The following HYCC2 variants were observed in gnomAD, a reference collection of about 807,000 sequenced individuals.
The protein encoded by HYCC2 is hyccin 2.
At chr2:201,046,429 G>A in the HYCC2 span, among the ~76,000 whole-genome samples, 1 of 152,102 alleles carries the variant, frequency 6.6e-6, no homozygotes, top group Non-Finnish European at 1.5e-5. Flanking sequence ...GCAGTGGGGG[G>A]GAAGAACTTG....
chr2:201,057,185 T>C, the HYCC2 span, among the ~76,000 whole-genome samples: 1 of 152,210 alleles, frequency 6.6e-6, no homozygotes, highest in East Asian at 1.9e-4. Flanking sequence ...GCCATAAAGC[T>C]ATATGTGCTG....
the HYCC2 span, among the ~76,000 whole-genome samples, chr2:201,060,656 C>G: frequency 6.6e-6 from 1 of 152,070 alleles, no homozygotes; most frequent in African/African-American, 2.4e-5. Flanking sequence ...ATTTTTTTTA[C>G]CAAATTAACT....
chr2:201,010,860 G>A, the HYCC2 span, among the ~76,000 whole-genome samples: 1 of 151,684 alleles, frequency 6.6e-6, no homozygotes, highest in East Asian at 1.9e-4. Context: ...AAAAAATGAT[G>A]GTAGAGTCAG....
the HYCC2 span, among the ~76,000 whole-genome samples, chr2:201,031,671 T>C: frequency 2.0e-5 from 3 of 151,934 alleles, no homozygotes; most frequent in Non-Finnish European, 4.4e-5. Flanking sequence ...AAACAAAAAA[T>C]CACCTTGCTT....
At chr2:201,002,056 C>T in the HYCC2 span, among the ~76,000 whole-genome samples, 1 of 151,246 alleles carries the variant, frequency 6.6e-6, no homozygotes, top group Non-Finnish European at 1.5e-5. Context: ...TGAAAACGTG[C>T]AACATGAAAA....
At chr2:201,071,180 TC>T in the HYCC2 span, among the ~76,000 whole-genome samples, 1 of 152,032 alleles carries the variant, frequency 6.6e-6, no homozygotes, top group Admixed American at 6.6e-5. Flanking sequence ...TCTTCTCCGC[TC>T]CCCCTCACCA....
the HYCC2 span, chr2:200,979,607 T>G: frequency 6.6e-6 from 1 of 152,624 alleles, no homozygotes; most frequent in Non-Finnish European, 1.5e-5. Context: ...TTTTAACTTT[T>G]GCTAATTAGG....
chr2:201,021,617 G>A, the HYCC2 span: 3 of 170,354 alleles, frequency 1.8e-5, no homozygotes, highest in African/African-American at 7.2e-5. Flanking sequence ...TTATGTACAT[G>A]ATAAAATACT....
the HYCC2 span, among the ~76,000 whole-genome samples, chr2:201,068,559 G>A: frequency 2.0e-5 from 3 of 152,162 alleles, no homozygotes; most frequent in Admixed American, 6.5e-5. Context: ...GTAAAATTCT[G>A]AAGGGAAGTG....
chr2:200,975,595 A>G, the HYCC2 span: 1 of 152,100 alleles, frequency 6.6e-6, no homozygotes, highest in African/African-American at 2.4e-5. Context: ...TTAATTTGTA[A>G]ACATGATTAG....
the HYCC2 span, among the ~76,000 whole-genome samples, chr2:201,056,162 C>A: frequency 6.6e-6 from 1 of 151,640 alleles, no homozygotes; most frequent in Non-Finnish European, 1.5e-5. Context: ...CCACTGCACT[C>A]CAACCTGGGC....
chr2:201,012,218 G>A, the HYCC2 span, among the ~76,000 whole-genome samples: 39 of 152,266 alleles, frequency 2.6e-4, no homozygotes, highest in African/African-American at 7.5e-4. Flanking sequence ...CCATCACTTT[G>A]GGAGGCCAAG....
the HYCC2 span, chr2:200,987,551 C>T: frequency 1.6e-6 from 2 of 1,288,206 alleles, no homozygotes; most frequent in Non-Finnish European, 2.0e-6. Context: ...CAACATATAA[C>T]ATTTTAGTGC....
chr2:201,052,797 A>G, the HYCC2 span, among the ~76,000 whole-genome samples: 2 of 152,308 alleles, frequency 1.3e-5, no homozygotes, highest in South Asian at 4.1e-4. Context: ...CTAAGAGTAC[A>G]GGTAGACCAA....
the HYCC2 span, among the ~76,000 whole-genome samples, chr2:201,070,427 C>A: frequency 1.3e-5 from 2 of 151,968 alleles, no homozygotes; most frequent in Non-Finnish European, 2.9e-5. Flanking sequence ...CCGAGGCGGG[C>A]GGATCATCTG....
At chr2:200,992,649 T>C in the HYCC2 span, among the ~76,000 whole-genome samples, 3 of 152,218 alleles carry the variant, frequency 2.0e-5, no homozygotes, top group Non-Finnish European at 4.4e-5. Flanking sequence ...TTATGAACTA[T>C]GTAGAGATAG....
the HYCC2 span, among the ~76,000 whole-genome samples, chr2:200,998,011 G>A: frequency 8.5e-5 from 13 of 152,252 alleles, no homozygotes; most frequent in East Asian, 7.7e-4. Context: ...ACTCCAGCCC[G>A]GGCAACAGAG....
At chr2:200,978,282 C>G in the HYCC2 span, 1 of 152,184 alleles carries the variant, frequency 6.6e-6, no homozygotes, top group African/African-American at 2.4e-5. Context: ...CACAAGAAAT[C>G]TGTTGTAAGA....
the HYCC2 span, among the ~76,000 whole-genome samples, chr2:201,046,505 C>G: frequency 6.6e-6 from 1 of 151,962 alleles, no homozygotes; most frequent in East Asian, 1.9e-4. Flanking sequence ...AGAAGGGGCA[C>G]TTGATATCAT....
Sources: allele counts gnomAD v4.1 joint callset (sites outside exome capture counted in the v4.1 genomes callset), GRCh38; gene constraint gnomAD v4.1.1; transcripts MANE v1.5; gene names NCBI Gene and HGNC (gene_info 2026-07-23, HGNC 2026-07-21).